The following CLSTN2 variants were observed in gnomAD, a reference collection of about 807,000 sequenced individuals.
The protein encoded by CLSTN2 is calsyntenin-2.
Under a neutral mutation model 101.2 loss-of-function variants are expected in CLSTN2, and 48 were observed. That is an observed-to-expected ratio of 0.47 (90% CI 0.38 to 0.60). The LOEUF (loss-of-function observed/expected upper bound fraction) is 0.60, where lower values mean the gene tolerates loss of function less well. Ranked by LOEUF, CLSTN2 falls within the 20% of genes least tolerant of loss-of-function variation. The pLI, the probability that CLSTN2 is intolerant of heterozygous loss-of-function variation, is 0.00. For synonymous variants in CLSTN2, 481 were observed against 463.6 expected (o/e 1.04, Z -0.48); for missense variants, 1,160 against 1,238.2 (o/e 0.94, Z 0.95).
intron 2 of CLSTN2, among the ~76,000 whole-genome samples, chr3:140,285,583 A>G (rs1287139110): frequency 2.0e-5 from 3 of 152,218 alleles, no homozygotes; most frequent in Non-Finnish European, 4.4e-5. Flanking sequence ...AATATGAGCC[A>G]GCACTGGGAT....
intron 8 of CLSTN2, among the ~76,000 whole-genome samples, chr3:140,496,158 T>C (rs1003415070): frequency 3.3e-5 from 5 of 152,186 alleles, no homozygotes; most frequent in Non-Finnish European, 7.3e-5. Context: ...GGTTTGTAGT[T>C]CTCCTTGAAG....
At chr3:140,239,653 T>C (rs373327614) in intron 2 of CLSTN2, among the ~76,000 whole-genome samples, 3 of 152,294 alleles carry the variant, frequency 2.0e-5, no homozygotes, top group East Asian at 3.9e-4. Flanking sequence ...GCATTGCTAA[T>C]GCAGTATTTT....
At chr3:140,278,159 G>A in intron 2 of CLSTN2, among the ~76,000 whole-genome samples, 1 of 152,198 alleles carries the variant, frequency 6.6e-6, no homozygotes, top group East Asian at 1.9e-4. Flanking sequence ...TCAAGACTGA[G>A]CACTCAAAAT....
chr3:140,523,135 A>C (rs1483588933), intron 8 of CLSTN2, among the ~76,000 whole-genome samples: 1 of 151,602 alleles, frequency 6.6e-6, no homozygotes, highest in East Asian at 1.9e-4. Context: ...ATGCCCATGC[A>C]CAGAGCAGGC....
In CLSTN2 at chr3:140,523,832, TAGCAGAC is replaced by T. The variant is rs1429259106; in HGVS notation, c.1345-8491_1345-8485del. Reference sequence around the variant, plus strand: ...TCAAACCCCAGGGCAGCTGGTCACTTAGCAGACTGTTCGCTCTGTTCAACCACACTCA... The same window carrying T: ...TCAAACCCCAGGGCAGCTGGTCACTTTGTTCGCTCTGTTCAACCACACTCA... On this transcript the variant is annotated intron_variant, in intron 8 of 16. Transcript: ENST00000458420. 3.3e-5 allele frequency among the ~76,000 whole-genome samples: 5 copies of T among 152,152 alleles called. No homozygotes were observed. The East Asian group carries it at 9.6e-4, about 29-fold the overall frequency.
intron 1 of CLSTN2, among the ~76,000 whole-genome samples, chr3:140,065,305 G>A (rs1035616548): frequency 3.3e-5 from 5 of 152,338 alleles, no homozygotes; most frequent in Non-Finnish European, 7.3e-5. Flanking sequence ...TTGAGGCTCA[G>A]GCCCTGCCTT....
At chr3:140,454,313 C>T (rs1374815920) in intron 6 of CLSTN2, 1 of 152,196 alleles carries the variant, frequency 6.6e-6, no homozygotes, top group Non-Finnish European at 1.5e-5. Flanking sequence ...GGCTCTCACT[C>T]AGGATCCTGG....
chr3:140,564,171 T>A, intron 16 of CLSTN2, 26 bp downstream of exon 16: 1 of 1,608,374 alleles, frequency 6.2e-7, no homozygotes, highest in South Asian at 1.1e-5. Context: ...GGCTGGGAGT[T>A]CTGGGTGGGG....
chr3:140,415,280 A>G (rs1369922359), intron 4 of CLSTN2, among the ~76,000 whole-genome samples: 3 of 152,080 alleles, frequency 2.0e-5, no homozygotes, highest in African/African-American at 4.8e-5. Flanking sequence ...TGGTAGTGGC[A>G]ACAATTTTTT....
chr3:140,390,423 CTT>C (rs1311186557), intron 2 of CLSTN2, among the ~76,000 whole-genome samples: 1 of 152,040 alleles, frequency 6.6e-6, no homozygotes, highest in Non-Finnish European at 1.5e-5. Context: ...TTCTAGATCT[CTT>C]TATTGATTTC....
chr3:140,191,550 T>A (rs574476553), intron 2 of CLSTN2, among the ~76,000 whole-genome samples: 3 of 152,092 alleles, frequency 2.0e-5, no homozygotes, highest in East Asian at 3.9e-4. Context: ...GGGGAGTTTT[T>A]AAATTATGAA....
chr3:140,181,837 T>C (rs1247590133), intron 2 of CLSTN2, among the ~76,000 whole-genome samples: 2 of 152,206 alleles, frequency 1.3e-5, no homozygotes, highest in African/African-American at 4.8e-5. Context: ...TGTTCAAGCT[T>C]ACCTAGCCAG....
chr3:140,051,641 A>G (rs1220295074), intron 1 of CLSTN2, among the ~76,000 whole-genome samples: 1 of 152,176 alleles, frequency 6.6e-6, no homozygotes, highest in Non-Finnish European at 1.5e-5. Context: ...ACTTCCAGAG[A>G]ACAGTGGTTC....
intron 1 of CLSTN2, among the ~76,000 whole-genome samples, chr3:140,084,048 G>A (rs1657343757): frequency 6.6e-6 from 1 of 152,214 alleles, no homozygotes; most frequent in African/African-American, 2.4e-5. Context: ...AAGAAAAGTA[G>A]TAGGTCCTCT....
intron 2 of CLSTN2, among the ~76,000 whole-genome samples, chr3:140,331,462 G>C (rs2087382672): frequency 6.6e-6 from 1 of 152,138 alleles, no homozygotes; most frequent in Admixed American, 6.5e-5. Flanking sequence ...GTTGACATCT[G>C]ATATTAACCA....
rs1935852421 is a variant in CLSTN2 at position 140,558,750 on chromosome 3, G to T, written c.1934G>T (p.Arg645Ile). The T allele has an allele frequency of 6.2e-7, 1 of 1,613,998 alleles. No individual in the cohort carries two copies. Among genetic ancestry groups the T allele is most frequent in the Non-Finnish European group, 8.5e-7 (1 of 1,180,002 alleles). Reference protein sequence around the residue: ...ITLRGTDHFWRPAAQFESARG... With the variant: ...ITLRGTDHFWIPAAQFESARG... ...CTCCGGGGCACAGACCACTTCTGGAGACCTGCTGCCCAGTTTGAAAGTGCC... is the reference window on the plus strand; with the variant it reads ...CTCCGGGGCACAGACCACTTCTGGATACCTGCTGCCCAGTTTGAAAGTGCC... Residue 645 changes from arginine (R) to isoleucine (I), a missense_variant, in exon 12 of 17, where the codon AGA becomes ATA. By Grantham distance (97) the Arg-to-Ile change is moderately conservative. Transcript: ENST00000458420.
At chr3:140,367,818 G>A (rs897306238) in intron 2 of CLSTN2, among the ~76,000 whole-genome samples, 2 of 152,158 alleles carry the variant, frequency 1.3e-5, no homozygotes, top group African/African-American at 4.8e-5. Flanking sequence ...AACCATAATG[G>A]TAGTAGTTAC....
At chr3:140,503,401 C>T (rs769735660) in intron 8 of CLSTN2, among the ~76,000 whole-genome samples, 3 of 152,112 alleles carry the variant, frequency 2.0e-5, no homozygotes, top group Admixed American at 1.3e-4. Flanking sequence ...CATCTGCCTA[C>T]AGTATTTGGT....
chr3:140,302,964 T>C lies in CLSTN2; in HGVS notation c.233-100665T>C, dbSNP rs967990091. On this transcript the variant is annotated intron_variant, in intron 2 of 16. Transcript: ENST00000458420. Reference sequence around the variant, plus strand: ...CTGTGATTCCTCCGCCATTGCTGAGTTCTCCATCTCTGTCCAGCCCCGCGA... The same window carrying C: ...CTGTGATTCCTCCGCCATTGCTGAGCTCTCCATCTCTGTCCAGCCCCGCGA... Among the ~76,000 whole-genome samples the C allele has an allele frequency of 3.3e-5, 5 of 152,090 alleles. No individual in the cohort carries two copies. In the East Asian group the frequency reaches 9.6e-4, roughly 29 times the overall value.
Sources: gnomAD v4.1 joint callset for allele counts (sites outside exome capture counted in the v4.1 genomes callset) on GRCh38, gnomAD v4.1.1 for gene constraint, MANE v1.5 for transcripts, NCBI Gene and HGNC (gene_info 2026-07-23, HGNC 2026-07-21) for gene names.